ERI1: variants seen among roughly 807,000 people sequenced by gnomAD.
ERI1 encodes the protein exoribonuclease 1.
In ERI1, 39 loss-of-function variants were observed where a neutral mutation model predicts 39.7. The observed-to-expected ratio is 0.98, with a 90% CI of 0.76 to 1.28. ERI1 has a LOEUF of 1.28. Among genes scored for constraint, ERI1 ranks in the 50% most tolerant of loss-of-function variants. ERI1 has a pLI of 0.00. For synonymous variants in ERI1, 204 were observed against 149.6 expected, an observed-to-expected ratio of 1.36 and a Z score of -2.65; for missense variants, 581 against 416.9, an observed-to-expected ratio of 1.39 and a Z score of -3.43.
At chr8:9,063,606 C>T (rs529724775) in intron 3 of ERI1, among the ~76,000 whole-genome samples, 122 of 151,830 alleles carry the variant, frequency 8.0e-4, no homozygotes, top group African/African-American at 2.8e-3. Flanking sequence ...AGGGGACAGG[C>T]GGGAGGGAAA....
intron 3 of ERI1, among the ~76,000 whole-genome samples, chr8:9,077,171 A>G (rs909314758): frequency 6.6e-6 from 1 of 152,192 alleles, no homozygotes; most frequent in Non-Finnish European, 1.5e-5. Flanking sequence ...CTTCTTTTCC[A>G]GCCATATCAT....
In ERI1 at chr8:9,008,163, CTTATAAAA is replaced by C. The variant is rs1321411250; in HGVS notation, c.287+24_287+31del. The C allele has an allele frequency of 3.3e-6, 5 of 1,535,226 alleles. No individual in the cohort carries two copies. In the African/African-American group the frequency reaches 4.2e-5, roughly 13 times the overall value. On this transcript the variant is annotated intron_variant, in intron 2 of 6. Coordinates refer to ENST00000250263, the MANE Select transcript of ERI1 (RefSeq NM_153332.4). ...CTTGAAACTAGGTAATTAAAAATAA[CTTATAAAA>C]TTATAAAAGTAGTACATGCTCATTT...
At chr8:9,016,574 T>C (rs1817313833) in intron 4 of ERI1, among the ~76,000 whole-genome samples, 169 bp downstream of exon 4, 1 of 152,202 alleles carries the variant, frequency 6.6e-6, no homozygotes, top group Non-Finnish European at 1.5e-5. Flanking sequence ...GCAAATTTTA[T>C]ATCTGGTAAC....
intron 3 of ERI1, among the ~76,000 whole-genome samples, chr8:9,090,285 G>A (rs1799664963): frequency 1.3e-5 from 2 of 152,204 alleles, no homozygotes; most frequent in Admixed American, 1.3e-4. Context: ...GAGCTCAGGT[G>A]CATTTTGCTG....
chr8:9,048,283 T>TTG (rs1271514513), intron 3 of ERI1, among the ~76,000 whole-genome samples: 1 of 151,886 alleles, frequency 6.6e-6, no homozygotes, highest in African/African-American at 2.4e-5. Context: ...TTTGTTTTTT[T>TTG]TAAGACTGAA....
chr8:9,023,244 G>C lies in ERI1; in HGVS notation c.807+2780G>C, dbSNP rs138354518. The stretch of plus-strand genomic sequence containing the variant: ...GAAACTGAGTCATTTGTCCTGTTGT[G>C]TTTCCCCTTATCTGGATTTTGTAAT... On this transcript the variant is annotated intron_variant, in intron 6 of 6. Transcript: ENST00000250263. Among the ~76,000 whole-genome samples the C allele has an allele frequency of 2.6e-5, 4 of 151,774 alleles. No individual in the cohort carries two copies. In the East Asian group the frequency reaches 7.7e-4, roughly 29 times the overall value.
At chr8:9,084,585 T>G (rs1248891495) in intron 3 of ERI1, among the ~76,000 whole-genome samples, 1 of 152,192 alleles carries the variant, frequency 6.6e-6, no homozygotes, top group African/African-American at 2.4e-5. Flanking sequence ...TGCAAGATTT[T>G]GACTAGGACT....
intron 1 of ERI1, among the ~76,000 whole-genome samples, chr8:9,007,665 G>C (rs1816163788): frequency 6.6e-6 from 1 of 152,148 alleles, no homozygotes; most frequent in African/African-American, 2.4e-5. Context: ...GCTATTTCTA[G>C]TAAATAGTCA....
At chr8:9,010,730 A>G (rs1338042649) in intron 2 of ERI1, among the ~76,000 whole-genome samples, 1 of 152,166 alleles carries the variant, frequency 6.6e-6, no homozygotes, top group Non-Finnish European at 1.5e-5. Flanking sequence ...GCTGGTTGCA[A>G]CTTAATTTTT....
chr8:9,003,971 C>G (rs747423883), intron 1 of ERI1: 6 of 710,112 alleles, frequency 8.4e-6, no homozygotes, highest in Non-Finnish European at 1.3e-5. Flanking sequence ...ATGAATTTGG[C>G]TTATTCCCCT....
At chr8:9,085,640 AAGCCTAC>A in intron 3 of ERI1, among the ~76,000 whole-genome samples, 1 of 151,978 alleles carries the variant, frequency 6.6e-6, no homozygotes, top group South Asian at 2.1e-4. Context: ...ATGGCCCACA[AAGCCTAC>A]AGTATTTACT....
intron 3 of ERI1, among the ~76,000 whole-genome samples, chr8:9,093,857 G>A (rs1042740776): frequency 1.2e-4 from 19 of 152,160 alleles, no homozygotes; most frequent in East Asian, 7.7e-4. Context: ...GATTACAAGC[G>A]TGAGCCATCA....
intron 1 of ERI1, chr8:9,004,030 C>T (rs928056862): frequency 2.4e-6 from 3 of 1,266,310 alleles, no homozygotes; most frequent in Non-Finnish European, 3.1e-6. Flanking sequence ...GCCTGCCTCC[C>T]TTGGTAATTG....
At chr8:9,011,969 ATGT>A (rs1563313554) in intron 3 of ERI1, among the ~76,000 whole-genome samples, 1 of 152,218 alleles carries the variant, frequency 6.6e-6, no homozygotes, top group Non-Finnish European at 1.5e-5. Context: ...GGAAGTTAAA[ATGT>A]TGTTTTCCAT....
At chr8:9,040,641 C>T (rs1048789717) in intron 3 of ERI1, among the ~76,000 whole-genome samples, 1 of 151,974 alleles carries the variant, frequency 6.6e-6, no homozygotes, top group Admixed American at 6.6e-5. Context: ...TAGACATATC[C>T]CACATGAAGA....
intron 6 of ERI1, among the ~76,000 whole-genome samples, chr8:9,024,407 C>CTTTTCTTTTCTTT (rs1554519008): frequency 1.2e-4 from 18 of 151,050 alleles, no homozygotes; most frequent in African/African-American, 4.2e-4. Context: ...CTTCTTTTTT[C>CTTTTCTTTTCTTT]TCTTTTCTTT....
chr8:9,051,149 AAT>A (rs1016101868), intron 3 of ERI1, among the ~76,000 whole-genome samples: 25 of 151,510 alleles, frequency 1.7e-4, no homozygotes, highest in Admixed American at 1.4e-3. Flanking sequence ...GGTATATATG[AAT>A]ATATATATGT....
rs565496793 is a variant in ERI1 at position 9,050,067 on chromosome 8, A to G, written n.299+29603A>G. ...TTTAACCTTCGGCTCCCTGGTCTGT[A>G]AGATAGAACTAATACTATACCCCTC... On this transcript the variant is annotated intron_variant and non_coding_transcript_variant, in intron 3 of 3. Transcript: ENST00000518663. Among the ~76,000 whole-genome samples, 6 of 152,252 alleles carry G rather than the reference A, an allele frequency of 3.9e-5. No individual in the cohort carries two copies. In the East Asian group the frequency reaches 9.6e-4, roughly 24 times the overall value.
chr8:9,067,246 G>A (rs1198946281), intron 3 of ERI1, among the ~76,000 whole-genome samples: 6 of 152,034 alleles, frequency 3.9e-5, no homozygotes, highest in Non-Finnish European at 7.4e-5. Context: ...CTGTATACAC[G>A]TTCCTGTATC....
Sources: allele counts gnomAD v4.1 joint callset (sites outside exome capture counted in the v4.1 genomes callset), GRCh38; gene constraint gnomAD v4.1.1; transcripts MANE v1.5; gene names NCBI Gene and HGNC (gene_info 2026-07-23, HGNC 2026-07-21).